Variants in NRIP1 observed in about 807,000 individuals in gnomAD.
NRIP1 encodes the protein nuclear receptor interacting protein 1, also known as nuclear receptor-interacting protein 1.
A neutral mutation model predicts 75.0 loss-of-function variants in NRIP1; 28 were observed. That is an observed-to-expected ratio of 0.37 (90% confidence interval 0.28 to 0.51). The LOEUF (loss-of-function observed/expected upper bound fraction) is 0.51. Among genes scored for constraint, NRIP1 ranks in the 20% least tolerant of loss-of-function variants. The pLI, the probability that NRIP1 is intolerant of heterozygous loss-of-function variation, is 0.92. For synonymous variants in NRIP1, 526 were observed against 487.6 expected (o/e 1.08, Z -1.04); for missense variants, 1,435 against 1,343.7 (o/e 1.07, Z -1.06).
At chr21:14,982,980 C>T (rs902145747) in intron 3 of NRIP1, among the ~76,000 whole-genome samples, 6 of 151,992 alleles carry the variant, frequency 3.9e-5, no homozygotes, top group African/African-American at 1.2e-4. Context: ...CTGATTGCTC[C>T]ACCACTTAGC....
chr21:14,966,239 T>C lies in NRIP1; in HGVS notation c.1954A>G (p.Lys652Glu). ...SMSVEEQRPSKQLLTGNTDKP... is the reference protein window; with the variant it reads ...SMSVEEQRPSEQLLTGNTDKP... ...TCTGTGTTTCCAGTTAACAGCTGTT[T>C]GCTGGGTCTCTGCTCTTCCACTGAC... Residue 652 changes from lysine (K) to glutamate (E), a missense_variant, in exon 4 of 4, where the codon AAA becomes GAA. Transcript: ENST00000318948. 6.2e-7 allele frequency: 1 copy of C among 1,614,042 alleles called. No individual in the cohort carries two copies.
intron 2 of NRIP1, among the ~76,000 whole-genome samples, chr21:15,031,631 T>C (rs1252770050): frequency 3.0e-5 from 3 of 99,188 alleles, no homozygotes; most frequent in East Asian, 6.6e-4. Context: ...GTATACACTC[T>C]GGAAGGCGCT....
intron 1 of NRIP1, among the ~76,000 whole-genome samples, chr21:15,044,028 A>G (rs556590324): frequency 2.6e-4 from 40 of 152,290 alleles, no homozygotes; most frequent in African/African-American, 8.4e-4. Context: ...CATGTTGGCC[A>G]GGCCGATCTC....
intron 3 of NRIP1, among the ~76,000 whole-genome samples, chr21:14,995,109 A>C (rs1422779471): frequency 6.6e-6 from 1 of 151,906 alleles, no homozygotes; most frequent in Non-Finnish European, 1.5e-5. Flanking sequence ...AAATAAAACA[A>C]ATGGAAAATG....
intron 3 of NRIP1, among the ~76,000 whole-genome samples, chr21:15,007,803 T>G (rs1441587623): frequency 6.6e-6 from 1 of 152,196 alleles, no homozygotes; most frequent in Non-Finnish European, 1.5e-5. Flanking sequence ...CCGACTACGT[T>G]TAGGACACAG....
chr21:15,047,877 T>C (rs1489787803), intron 1 of NRIP1, among the ~76,000 whole-genome samples: 1 of 152,364 alleles, frequency 6.6e-6, no homozygotes, highest in South Asian at 2.1e-4. Context: ...TTGACATGCC[T>C]TCCTCACTGA....
chr21:15,039,378 TA>T (rs1457355704), intron 2 of NRIP1, among the ~76,000 whole-genome samples: 4 of 152,112 alleles, frequency 2.6e-5, no homozygotes. Flanking sequence ...CCCTCCACAA[TA>T]AGTTTCCATA....
In NRIP1 at chr21:14,965,909, C is replaced by T; in HGVS notation, c.2284G>A (p.Asp762Asn). Residue 762 changes from aspartate (D) to asparagine (N), a missense_variant, in exon 4 of 4, where the codon GAC (aspartate) becomes AAC (asparagine). Coordinates refer to ENST00000318948, the MANE Select transcript of NRIP1 (RefSeq NM_003489.4). The part of the protein sequence containing the change: ...MVKIKSEPCD[D>N]LQIPNTNVHL... ...ACATTTGTGTTAGGAATTTGTAAGT[C>T]ATCACAAGGCTCAGATTTTATTTTC... The T allele has an allele frequency of 1.9e-6, 3 of 1,614,108 alleles. No homozygotes were observed. The highest frequency in any genetic ancestry group is 1.1e-5 in the South Asian group (1 of 91,078).
chr21:15,028,385 A>G (rs2088569748), intron 2 of NRIP1, among the ~76,000 whole-genome samples: 1 of 152,200 alleles, frequency 6.6e-6, no homozygotes, highest in Non-Finnish European at 1.5e-5. Context: ...GCTACACAAT[A>G]CTGAGGAAGT....
chr21:15,058,972 C>G (rs1215296440), intron 1 of NRIP1, among the ~76,000 whole-genome samples: 1 of 152,124 alleles, frequency 6.6e-6, no homozygotes, highest in African/African-American at 2.4e-5. Flanking sequence ...CTCCAAACTC[C>G]TTAGTTTCTC....
chr21:14,978,479 C>T (rs932924419), intron 3 of NRIP1, among the ~76,000 whole-genome samples: 1 of 152,106 alleles, frequency 6.6e-6, no homozygotes, highest in African/African-American at 2.4e-5. Context: ...GAATTGCAAA[C>T]AGATGTTTAT....
In NRIP1 at chr21:14,967,132, G is replaced by T. The variant is rs761769079; in HGVS notation, c.1061C>A (p.Pro354His). The T allele has an allele frequency of 8.7e-6, 14 of 1,614,080 alleles. No individual in the cohort carries two copies. Among genetic ancestry groups the T allele is most frequent in the Non-Finnish European group, 1.2e-5 (14 of 1,179,988 alleles). The change falls in exon 4 of 4, where the codon CCT becomes CAT. Residue 354 changes from proline (P) to histidine (H), a missense_variant. Physicochemically the swap from Pro to His is moderately conservative, Grantham distance 77. Transcript: ENST00000318948. ...TVFQNPMGII[P>H]SSPKNAGYKN... ...ATAACCTGCATTTTTAGGGGAAGAA[G>T]GAATGATACCCATTGGATTTTGAAA...
At chr21:15,027,534 T>C (rs529523397) in intron 2 of NRIP1, among the ~76,000 whole-genome samples, 10 of 152,302 alleles carry the variant, frequency 6.6e-5, no homozygotes, top group East Asian at 1.9e-4. Context: ...CTCAAAAGAA[T>C]TGAAAAACTG....
In NRIP1 at chr21:14,967,829, T is replaced by C. The variant is rs764743858; in HGVS notation, c.364A>G (p.Ser122Gly). The C allele has an allele frequency of 6.2e-7, 1 of 1,614,060 alleles. No individual in the cohort carries two copies. The highest frequency in any genetic ancestry group is 1.1e-5 in the South Asian group (1 of 91,086). Residue 122 changes from serine to glycine, a missense_variant, in exon 4 of 4, where the codon AGT becomes GGT. Coordinates refer to ENST00000318948, the MANE Select transcript of NRIP1 (RefSeq NM_003489.4). ...KEALLAGMVD[S>G]VPKGKQDSTL... The stretch of plus-strand genomic sequence containing the variant: ...CTATCCTGTTTGCCTTTAGGCACAC[T>C]GTCAACCATGCCAGCTAGCAAAGCT...
At chr21:15,048,865 C>T (rs1361575117) in intron 1 of NRIP1, among the ~76,000 whole-genome samples, 1 of 152,174 alleles carries the variant, frequency 6.6e-6, no homozygotes, top group African/African-American at 2.4e-5. Context: ...TCCACTTAGA[C>T]AGTGTGGCAG....
At chr21:14,983,861 T>C (rs1283092981) in intron 3 of NRIP1, among the ~76,000 whole-genome samples, 1 of 152,222 alleles carries the variant, frequency 6.6e-6, no homozygotes, top group Admixed American at 6.5e-5. Flanking sequence ...TTGCTGAATA[T>C]TTTAAGCCCG....
chr21:15,053,925 A>T (rs987372498), intron 1 of NRIP1, among the ~76,000 whole-genome samples: 2 of 152,296 alleles, frequency 1.3e-5, no homozygotes, highest in Non-Finnish European at 2.9e-5. Flanking sequence ...CAGTGTTATA[A>T]ATATATATCC....
intron 2 of NRIP1, among the ~76,000 whole-genome samples, chr21:15,036,135 A>T (rs1359955109): frequency 6.6e-6 from 1 of 152,210 alleles, no homozygotes; most frequent in African/African-American, 2.4e-5. Context: ...GATATGAATA[A>T]AGCCAGAAGA....
At chr21:15,030,667 T>G (rs1295289911) in intron 2 of NRIP1, among the ~76,000 whole-genome samples, 1 of 152,228 alleles carries the variant, frequency 6.6e-6, no homozygotes, top group African/African-American at 2.4e-5. Flanking sequence ...TTAACAATGT[T>G]CTACAGAATA....
Sources: gnomAD v4.1 joint callset for allele counts (sites outside exome capture counted in the v4.1 genomes callset) on GRCh38, gnomAD v4.1.1 for gene constraint, MANE v1.5 for transcripts, NCBI Gene and HGNC (gene_info 2026-07-23, HGNC 2026-07-21) for gene names.